The following SCML4 variants were observed in gnomAD, a reference collection of about 807,000 sequenced individuals.
SCML4 encodes Scm polycomb group protein like 4.
Under a neutral mutation model 41.1 loss-of-function variants are expected in SCML4, and 34 were observed. That is an observed-to-expected ratio of 0.83 (90% confidence interval 0.63 to 1.10). SCML4 has a LOEUF of 1.10. Among genes scored for constraint, SCML4 ranks in the 50% least tolerant of loss-of-function variants. SCML4 has a pLI of 0.00. For missense variants in SCML4, 522 were observed against 534.1 expected (o/e 0.98, Z 0.22); for synonymous variants, 214 against 220.9 (o/e 0.97, Z 0.28).
In SCML4 at chr6:107,702,989, A is replaced by T. The variant is rs548307865; in HGVS notation, c.*2211T>A. Among the ~76,000 whole-genome samples the T allele has an allele frequency of 1.5e-4, 23 of 152,308 alleles. No homozygotes were observed. The highest frequency in any genetic ancestry group is 5.5e-4 in the African/African-American group (23 of 41,570). ...TTGGCTAAAACCCACCAAAACCAAGATGGCAACGAGAGTGACCTCTGGTTG... is the reference window on the plus strand; with the variant it reads ...TTGGCTAAAACCCACCAAAACCAAGTTGGCAACGAGAGTGACCTCTGGTTG... On this transcript the variant is annotated 3_prime_UTR_variant, in exon 8 of 8. Transcript: ENST00000369020.
At chr6:107,732,915 A>G (rs1776706850) in intron 5 of SCML4, among the ~76,000 whole-genome samples, 1 of 152,176 alleles carries the variant, frequency 6.6e-6, no homozygotes, top group Admixed American at 6.5e-5. Context: ...TTCCTTTCTA[A>G]ATGGACATCT....
chr6:107,803,423 G>A (rs931782161), intron 1 of SCML4, among the ~76,000 whole-genome samples: 3 of 145,702 alleles, frequency 2.1e-5, no homozygotes, highest in African/African-American at 8.1e-5. Flanking sequence ...CCGGGAGGGA[G>A]GTGGGGGGGT....
chr6:107,812,331 C>T (rs1784215895), intron 1 of SCML4, among the ~76,000 whole-genome samples: 1 of 152,214 alleles, frequency 6.6e-6, no homozygotes, highest in Non-Finnish European at 1.5e-5. Flanking sequence ...GGTTTCAGCT[C>T]CAAACCCTCC....
At position 107,746,843 on chromosome 6, in the gene SCML4, C is replaced by G; in HGVS notation, c.333G>C (p.Glu111Asp). Residue 111 changes from glutamate (E) to aspartate (D), a missense_variant, in exon 4 of 8, where the codon GAG (glutamate) becomes GAC (aspartate). Physicochemically the swap from Glu to Asp is conservative, Grantham distance 45. Transcript: ENST00000369020. The stretch of plus-strand genomic sequence containing the variant: ...CCGGGAGCTGCTGCACCTTCTTCCT[C>G]TCCAGATAGGGCCCCGCATTGGCCT... Reference protein sequence around the residue: ...NKQANAGPYLERKKVQQLPEH... With the variant: ...NKQANAGPYLDRKKVQQLPEH... 2 of 1,614,098 alleles carry G rather than the reference C, an allele frequency of 1.2e-6. No individual in the cohort carries two copies. The highest frequency in any genetic ancestry group is 1.7e-6 in the Non-Finnish European group (2 of 1,180,000).
intron 1 of SCML4, among the ~76,000 whole-genome samples, chr6:107,779,074 G>A (rs1337512591): frequency 1.3e-5 from 2 of 152,034 alleles, no homozygotes; most frequent in Admixed American, 6.6e-5. Context: ...CAGCTACTCC[G>A]GAGGCTGAGG....
At chr6:107,773,733 A>G (rs929296282) in intron 1 of SCML4, among the ~76,000 whole-genome samples, 1 of 152,190 alleles carries the variant, frequency 6.6e-6, no homozygotes, top group Admixed American at 6.5e-5. Flanking sequence ...ATGTTCAGGA[A>G]TGTGATGAGT....
chr6:107,761,797 GA>G (rs1323593078), intron 2 of SCML4, among the ~76,000 whole-genome samples: 2 of 59,718 alleles, frequency 3.3e-5, no homozygotes, highest in South Asian at 9.3e-4. Flanking sequence ...TCTACACCCA[GA>G]AAAAAAAGTC....
intron 5 of SCML4, among the ~76,000 whole-genome samples, chr6:107,733,511 G>T (rs1776755848): frequency 6.6e-6 from 1 of 152,184 alleles, no homozygotes; most frequent in African/African-American, 2.4e-5. Context: ...TTCCTAAGCT[G>T]CTTCAGCTCC....
chr6:107,783,653 G>A (rs1781656258), intron 1 of SCML4, among the ~76,000 whole-genome samples: 1 of 117,356 alleles, frequency 8.5e-6, no homozygotes, highest in Admixed American at 8.5e-5. Flanking sequence ...GGCAGGTGCT[G>A]GTCTGAGTTT....
the SCML4 span, among the ~76,000 whole-genome samples, chr6:107,840,715 A>G: frequency 6.6e-6 from 1 of 152,190 alleles, no homozygotes. Context: ...TGAGGGGGAG[A>G]GGAGTTGCAA....
chr6:107,796,024 G>A (rs188876143), intron 1 of SCML4, among the ~76,000 whole-genome samples: 8 of 152,186 alleles, frequency 5.3e-5, no homozygotes, highest in Non-Finnish European at 8.8e-5. Context: ...TTTTATTGCT[G>A]AATAGTAGAC....
At chr6:107,817,509 T>C (rs1302923291) in intron 1 of SCML4, among the ~76,000 whole-genome samples, 6 of 151,368 alleles carry the variant, frequency 4.0e-5, no homozygotes, top group African/African-American at 1.5e-4. Flanking sequence ...CCCAGCTTCT[T>C]GGGAATCTAC....
chr6:107,745,431 T>TA (rs1324432421), intron 4 of SCML4: 3 of 290,040 alleles, frequency 1.0e-5, no homozygotes, highest in Non-Finnish European at 1.9e-5. Context: ...CTGCTCAGGG[T>TA]AAAATGTCCC....
intron 1 of SCML4, among the ~76,000 whole-genome samples, chr6:107,803,139 A>C (rs148002828): frequency 0.058 from 8,765 of 150,948 alleles, 764 homozygotes; most frequent in African/African-American, 0.19. Flanking sequence ...CAAAGTGCCG[A>C]GATTGCGCCT....
At chr6:107,733,620 A>T (rs1054067094) in intron 5 of SCML4, among the ~76,000 whole-genome samples, 5 of 152,204 alleles carry the variant, frequency 3.3e-5, no homozygotes, top group African/African-American at 1.2e-4. Context: ...GGTCCGCCAC[A>T]GGGGCTCAGG....
At chr6:107,774,527 C>T (rs117853865) in intron 1 of SCML4, among the ~76,000 whole-genome samples, 2,206 of 152,262 alleles carry the variant, frequency 0.014, 23 homozygotes, top group Non-Finnish European at 0.023. Context: ...AAGATTTTCG[C>T]TATGTGAAAG....
chr6:107,763,509 C>G (rs1779783270), intron 2 of SCML4, among the ~76,000 whole-genome samples: 1 of 152,028 alleles, frequency 6.6e-6, no homozygotes, highest in South Asian at 2.1e-4. Context: ...GCCTCAGCCT[C>G]CCAAGTAGCT....
intron 1 of SCML4, among the ~76,000 whole-genome samples, chr6:107,815,011 C>T (rs946040968): frequency 3.9e-5 from 6 of 152,184 alleles, no homozygotes; most frequent in African/African-American, 1.4e-4. Flanking sequence ...GTTAAGGGCA[C>T]CCCAAAGTTC....
intron 6 of SCML4, 83 bp downstream of exon 6, chr6:107,720,620 T>C (rs1775284621): frequency 2.8e-6 from 4 of 1,448,482 alleles, no homozygotes; most frequent in Non-Finnish European, 3.6e-6. Context: ...ACAGCCACAC[T>C]CCCCCTTCCC....
Sources: gnomAD v4.1 joint callset for allele counts (sites outside exome capture counted in the v4.1 genomes callset) on GRCh38, gnomAD v4.1.1 for gene constraint, MANE v1.5 for transcripts, NCBI Gene and HGNC (gene_info 2026-07-23, HGNC 2026-07-21) for gene names.